Variants in NSD2 observed in about 807,000 individuals in gnomAD.
NSD2 encodes nuclear receptor binding SET domain protein 2, also known as histone-lysine N-methyltransferase NSD2.
Under a neutral mutation model 139.0 loss-of-function variants are expected in NSD2, and 12 were observed. The observed-to-expected ratio is 0.09, with a 90% confidence interval of 0.06 to 0.14. The LOEUF is 0.14. NSD2 is among the 10% of genes least tolerant of loss of function. NSD2 has a pLI of 1.00. For missense variants in NSD2, 1,155 were observed against 1,745.0 expected (o/e 0.66, Z 6.02); for synonymous variants, 669 against 648.7 (o/e 1.03, Z -0.48).
chr4:1,950,118 A>C (rs537649878), intron 9 of NSD2, among the ~76,000 whole-genome samples: 1 of 152,340 alleles, frequency 6.6e-6, no homozygotes, highest in Non-Finnish European at 1.5e-5. Context: ...TCAAATAAAA[A>C]CCAAATTTTT....
rs1471051290 is a variant in NSD2 at position 1,956,503 on chromosome 4, AG to A, written c.2881+318del. On this transcript the variant is annotated intron_variant, in intron 15 of 21. Coordinates refer to ENST00000508803, the MANE Select transcript of NSD2 (RefSeq NM_001042424.3). The surrounding 1 kb of genome is among the most constrained non-coding windows in gnomAD (Gnocchi z 5.3). ...TTATGTAAAATGCAGATCTGAAGGA[AG>A]GGTCCTGTTGTCTCGACCTTGTGCA... Among the ~76,000 whole-genome samples the A allele has an allele frequency of 7.2e-5, 11 of 152,156 alleles. No individual in the cohort carries two copies. Among genetic ancestry groups the A allele is most frequent in the African/African-American group, 2.4e-4 (10 of 41,442 alleles).
chr4:1,927,731 A>G (rs1426845837), intron 5 of NSD2, among the ~76,000 whole-genome samples: 1 of 147,800 alleles, frequency 6.8e-6, no homozygotes, highest in African/African-American at 2.5e-5. Flanking sequence ...AAAAAAAAAA[A>G]AAAAAAAAAA....
Position 1,946,775 on chromosome 4 carries a change from T to C in NSD2, c.1882-4297T>C, listed in dbSNP as rs6820307. On this transcript the variant is annotated intron_variant, in intron 9 of 21. Transcript: ENST00000508803. ...TATTATATTCATCTGATTCCTATACTGGATGAGCAAGGAGCATGCTTCCTT... is the reference window on the plus strand; with the variant it reads ...TATTATATTCATCTGATTCCTATACCGGATGAGCAAGGAGCATGCTTCCTT... 27 of 1,050,968 alleles carry C rather than the reference T, an allele frequency of 2.6e-5. No individual in the cohort carries two copies. The African/African-American group carries it at 4.5e-4, about 17-fold the overall frequency. 65.1% of individuals were successfully genotyped at this position (1,050,968 alleles called of 1,614,324 possible). A position where few individuals can be genotyped will look rare whatever the true frequency, so the allele number is the denominator to read the frequency against.
Position 1,948,303 on chromosome 4 carries a change from A to G in NSD2, c.1882-2769A>G. The G allele has an allele frequency of 2.8e-6, 3 of 1,065,436 alleles. No individual in the cohort carries two copies. Among genetic ancestry groups the G allele is most frequent in the East Asian group, 5.0e-5 (1 of 19,940 alleles). 66.0% of individuals were successfully genotyped at this position (1,065,436 alleles called of 1,614,324 possible). ...CCTTTCCAAATGCATCTCGTTGGATATGGAATAGATCGTAGATGTTGTAGA... is the reference window on the plus strand; with the variant it reads ...CCTTTCCAAATGCATCTCGTTGGATGTGGAATAGATCGTAGATGTTGTAGA... On this transcript the variant is annotated intron_variant, in intron 9 of 21. Transcript: ENST00000508803. The surrounding 1 kb of genome is among the most constrained non-coding windows in gnomAD (Gnocchi z 4.5).
At chr4:1,966,621 C>T (rs1438064170) in intron 18 of NSD2, among the ~76,000 whole-genome samples, 1 of 148,474 alleles carries the variant, frequency 6.7e-6, no homozygotes, top group Non-Finnish European at 1.5e-5. Flanking sequence ...CGTGCCAGTG[C>T]ACTCCAGCCT....
At chr4:1,932,107 C>G (rs1476512793) in intron 6 of NSD2, among the ~76,000 whole-genome samples, 1 of 152,154 alleles carries the variant, frequency 6.6e-6, no homozygotes, top group Non-Finnish European at 1.5e-5. Context: ...TGGCGCACCA[C>G]ATCATTGTCA....
intron 9 of NSD2, chr4:1,943,703 CT>C: frequency 9.5e-7 from 1 of 1,051,666 alleles, no homozygotes; most frequent in Non-Finnish European, 1.1e-6. Flanking sequence ...CATGAAAAAG[CT>C]CAAGAGTAAA....
At position 1,980,076 on chromosome 4, in the gene NSD2, C is replaced by T. The variant is rs1727605774; in HGVS notation, c.*1167C>T. On this transcript the variant is annotated 3_prime_UTR_variant, in exon 22 of 22. Transcript: ENST00000508803. ...ATCACATGTGCCCTCTGCCAGGGCACCTACTGAGAGGTGCGGTCCTGGGGG... is the reference window on the plus strand; with the variant it reads ...ATCACATGTGCCCTCTGCCAGGGCATCTACTGAGAGGTGCGGTCCTGGGGG... 4.3e-6 allele frequency: 1 copy of T among 233,260 alleles called. No individual in the cohort carries two copies. Among genetic ancestry groups the T allele is most frequent in the Admixed American group, 5.6e-5 (1 of 17,784 alleles). The allele number at this position is 233,260 out of a possible 1,614,324, so 14.4% of individuals were successfully genotyped here. A position where few individuals can be genotyped will look rare whatever the true frequency, so the allele number is the denominator to read the frequency against.
At chr4:1,915,202 G>A (rs1268409927) in intron 3 of NSD2, among the ~76,000 whole-genome samples, 5 of 135,454 alleles carry the variant, frequency 3.7e-5, no homozygotes, top group African/African-American at 8.4e-5. Flanking sequence ...TGCAAGCTCC[G>A]CCTCCTGGGT....
At chr4:1,912,309 A>G (rs767234783) in intron 3 of NSD2, 1 of 165,458 alleles carries the variant, frequency 6.0e-6, no homozygotes, top group Non-Finnish European at 1.3e-5. Flanking sequence ...CTCTTCAGCC[A>G]TTTTCTATTT....
chr4:1,925,262 T>C (rs1560663676), intron 5 of NSD2, among the ~76,000 whole-genome samples: 1 of 152,152 alleles, frequency 6.6e-6, no homozygotes, highest in African/African-American at 2.4e-5. Flanking sequence ...CCTTGAGGGA[T>C]AGAGTCAGGT....
At chr4:1,930,597 T>A (rs375522546) in intron 5 of NSD2, 29 bp from the exon 6 acceptor site, 12 of 1,574,040 alleles carry the variant, frequency 7.6e-6, no homozygotes, top group Admixed American at 1.8e-5. Context: ...GGATTTAACT[T>A]CTCATTGCAC....
chr4:1,949,909 T>G (rs76349520), intron 9 of NSD2, among the ~76,000 whole-genome samples: 1 of 152,346 alleles, frequency 6.6e-6, no homozygotes, highest in African/African-American at 2.4e-5. Context: ...ACAGGATTGG[T>G]CAAGAGTCCC....
At chr4:1,952,350 G>T (rs1485345174) in intron 11 of NSD2, 119 bp downstream of exon 11, 14 of 1,436,030 alleles carry the variant, frequency 9.7e-6, no homozygotes, top group Non-Finnish European at 1.3e-5. Flanking sequence ...CACCCCCACC[G>T]CCTGGCCCTC....
At chr4:1,930,904 G>T in intron 6 of NSD2, 134 bp downstream of exon 6, 1 of 1,105,728 alleles carries the variant, frequency 9.0e-7, no homozygotes, top group Non-Finnish European at 1.2e-6. Flanking sequence ...TGGGCCAGCG[G>T]TCCAAGTGCG....
Position 1,958,145 on chromosome 4 carries a change from C to T in NSD2, c.2985+109C>T. 1 of 1,133,990 alleles carries T rather than the reference C, an allele frequency of 8.8e-7. No homozygotes were observed. Among genetic ancestry groups the T allele is most frequent in the Non-Finnish European group, 1.3e-6 (1 of 782,274 alleles). The allele number at this position is 1,133,990 out of a possible 1,614,324, so 70.2% of individuals were successfully genotyped here. On this transcript the variant is annotated intron_variant, in intron 16 of 21. Coordinates refer to ENST00000508803, the MANE Select transcript of NSD2 (RefSeq NM_001042424.3). This position sits in a 1 kb window ranked among gnomAD's most constrained non-coding sequence, Gnocchi z 4.6. ...GGCTGGGGAGAGGACTGTCACCAGC[C>T]AGGATCTGTGGTGCCTGGCATGGAT...
At chr4:1,907,615 CTTTTT>C (rs765535552) in intron 3 of NSD2, among the ~76,000 whole-genome samples, 36 of 93,656 alleles carry the variant, frequency 3.8e-4, no homozygotes, top group African/African-American at 1.1e-3. Context: ...TGTTGAATCT[CTTTTT>C]TTTTTTTTTT....
At chr4:1,940,701 T>A in intron 9 of NSD2, 1 of 1,061,276 alleles carries the variant, frequency 9.4e-7, no homozygotes, top group Non-Finnish European at 1.1e-6. Context: ...GAGGCAAGGG[T>A]TGGACAGGCC....
chr4:1,897,823 C>T lies in NSD2; in HGVS notation c.-29-2803C>T, dbSNP rs180904041. On this transcript the variant is annotated intron_variant, in intron 1 of 21. Transcript: ENST00000508803. ...TGTATTTTTAGTAGAGTTGTGGTTTCACCATGTTGGCCAGGCTGGCCTCGA... is the reference window on the plus strand; with the variant it reads ...TGTATTTTTAGTAGAGTTGTGGTTTTACCATGTTGGCCAGGCTGGCCTCGA... Among the ~76,000 whole-genome samples, 917 of 152,194 alleles carry T rather than the reference C, an allele frequency of 6.0e-3. 5 individuals carry two copies. Among genetic ancestry groups the T allele is most frequent in the Non-Finnish European group, 1.0e-2 (677 of 68,010 alleles).
Sources: gnomAD v4.1 joint callset for allele counts (sites outside exome capture counted in the v4.1 genomes callset) on GRCh38, gnomAD v4.1.1 for gene constraint, Gnocchi (gnomAD v3.1) non-coding constraint, MANE v1.5 for transcripts, NCBI Gene and HGNC (gene_info 2026-07-23, HGNC 2026-07-21) for gene names.